GCFC2: variants seen among roughly 807,000 people sequenced by gnomAD.
The protein encoded by GCFC2 is GC-rich sequence DNA-binding factor 2, also known as intron Large complex component GCFC2.
Under a neutral mutation model 99.4 loss-of-function variants are expected in GCFC2, and 102 were observed. That is an observed-to-expected ratio of 1.03 (90% confidence interval 0.87 to 1.21). The LOEUF (loss-of-function observed/expected upper bound fraction) is 1.21, where lower values mean the gene tolerates loss of function less well. GCFC2 is among the 50% of genes most tolerant of loss of function. GCFC2 has a pLI of 0.00. For synonymous variants in GCFC2, 338 were observed against 316.8 expected (o/e 1.07, Z -0.71); for missense variants, 973 against 920.9 (o/e 1.06, Z -0.73).
At chr2:75,702,068 C>A in intron 3 of GCFC2, 131 bp downstream of exon 3, 1 of 1,454,450 alleles carries the variant, frequency 6.9e-7, no homozygotes, top group Non-Finnish European at 9.0e-7. Flanking sequence ...ATATCATGGA[C>A]CAAATCGATG....
Position 75,706,653 on chromosome 2 carries a change from T to A in GCFC2, c.266-2A>T. On this transcript the variant is annotated splice_acceptor_variant, in intron 1 of 16. Coordinates refer to ENST00000321027, the MANE Select transcript of GCFC2 (RefSeq NM_003203.5). LOFTEE classifies it high-confidence loss of function. Reference sequence around the variant, plus strand: ...TGGACACATCAAGGGTTCTGGATTCTAACAGGACATTTTAAAAATACAACA... The same window carrying A: ...TGGACACATCAAGGGTTCTGGATTCAAACAGGACATTTTAAAAATACAACA... 1 of 1,551,866 alleles carries A rather than the reference T, an allele frequency of 6.4e-7. No individual in the cohort carries two copies. The highest frequency in any genetic ancestry group is 1.4e-5 in the African/African-American group (1 of 72,722).
chr2:75,684,000 A>C (rs999498727), intron 11 of GCFC2, among the ~76,000 whole-genome samples: 5 of 152,156 alleles, frequency 3.3e-5, no homozygotes, highest in African/African-American at 1.2e-4. Flanking sequence ...AGACCTACAA[A>C]GAGACTTAGA....
intron 9 of GCFC2, 38 bp from the exon 10 acceptor site, chr2:75,689,263 G>C: frequency 8.5e-7 from 1 of 1,179,730 alleles, no homozygotes; most frequent in Non-Finnish European, 1.2e-6. Flanking sequence ...ATTTTAAGTT[G>C]TGAACTTTAA....
At chr2:75,696,089 C>T (rs1680310118) in intron 5 of GCFC2, 111 bp downstream of exon 5, 1 of 506,542 alleles carries the variant, frequency 2.0e-6, no homozygotes, top group Non-Finnish European at 3.6e-6. Flanking sequence ...CCTTTTTCCC[C>T]CCCATAAGTC....
At position 75,664,545 on chromosome 2, in the gene GCFC2, T is replaced by C. The variant is rs528335474; in HGVS notation, c.*121A>G. On this transcript the variant is annotated 3_prime_UTR_variant, in exon 17 of 17. Transcript: ENST00000321027. ...GGGGAATACAGAGGTGGAGTCCTGCTTTTTTTCAAATCCTACCTTCTATTA... is the reference window on the plus strand; with the variant it reads ...GGGGAATACAGAGGTGGAGTCCTGCCTTTTTTCAAATCCTACCTTCTATTA... 3.6e-6 allele frequency: 2 copies of C among 559,962 alleles called. No homozygotes were observed. Among genetic ancestry groups the C allele is most frequent in the South Asian group, 2.4e-5 (1 of 42,322 alleles). 34.7% of individuals were successfully genotyped at this position (559,962 alleles called of 1,614,324 possible).
rs73936786 is a variant in GCFC2, at chr2:75,685,237, C to T, written c.1690+2590G>A. On this transcript the variant is annotated intron_variant, in intron 11 of 16. Coordinates refer to ENST00000321027, the MANE Select transcript of GCFC2 (RefSeq NM_003203.5). Reference sequence around the variant, plus strand: ...AACAAACAAAAAATCCCCCTTAGCCCTACTTCCTCCTCTAGTATTGTTCCA... The same window carrying T: ...AACAAACAAAAAATCCCCCTTAGCCTTACTTCCTCCTCTAGTATTGTTCCA... Among the ~76,000 whole-genome samples the T allele has an allele frequency of 6.9e-3, 1,056 of 152,260 alleles. 8 individuals are homozygous for T. The highest frequency in any genetic ancestry group is 0.024 in the African/African-American group (1,010 of 41,536).
At chr2:75,698,942 G>A (rs761266010) in intron 4 of GCFC2, among the ~76,000 whole-genome samples, 4 of 151,542 alleles carry the variant, frequency 2.6e-5, no homozygotes, top group South Asian at 2.1e-4. Flanking sequence ...AACCTGGGAA[G>A]TGGAGGTTGC....
chr2:75,670,396 G>T, intron 14 of GCFC2, 112 bp from the exon 15 acceptor site: 1 of 645,818 alleles, frequency 1.5e-6, no homozygotes, highest in Middle Eastern at 4.1e-4. Context: ...AATTAGCCCT[G>T]TTGGAACTGT....
chr2:75,672,048 A>G (rs780841742), intron 13 of GCFC2, 32 bp from the exon 14 acceptor site: 2 of 1,249,436 alleles, frequency 1.6e-6, no homozygotes, highest in Admixed American at 3.4e-5. Flanking sequence ...AGAAGAGAAA[A>G]TGCAAAGAAC....
chr2:75,699,807 G>T (rs114696897), intron 4 of GCFC2, among the ~76,000 whole-genome samples: 1 of 151,976 alleles, frequency 6.6e-6, no homozygotes, highest in South Asian at 2.1e-4. Context: ...AAACTACTGG[G>T]CTGAAGTGAT....
chr2:75,693,109 T>C (rs762332304), intron 6 of GCFC2, among the ~76,000 whole-genome samples: 1 of 152,108 alleles, frequency 6.6e-6, no homozygotes, highest in Non-Finnish European at 1.5e-5. Context: ...AAAACAACAA[T>C]TGGGACAAAG....
At chr2:75,697,153 T>C (rs1680364378) in intron 4 of GCFC2, among the ~76,000 whole-genome samples, 1 of 152,212 alleles carries the variant, frequency 6.6e-6, no homozygotes, top group African/African-American at 2.4e-5. Context: ...TCTTATAACA[T>C]GGTATGTTTC....
intron 14 of GCFC2, among the ~76,000 whole-genome samples, chr2:75,671,125 C>CT (rs1679073961): frequency 6.6e-6 from 1 of 152,178 alleles, no homozygotes; most frequent in African/African-American, 2.4e-5. Context: ...TCTTGAAAAT[C>CT]TTTCATTTAG....
At chr2:75,696,880 G>A (rs907015179) in intron 4 of GCFC2, among the ~76,000 whole-genome samples, 15 of 151,998 alleles carry the variant, frequency 9.9e-5, no homozygotes, top group African/African-American at 2.4e-4. Flanking sequence ...CCGCCTCCTG[G>A]GTTCACGCCA....
intron 4 of GCFC2, among the ~76,000 whole-genome samples, chr2:75,700,507 T>C (rs1339562589): frequency 2.0e-5 from 3 of 152,132 alleles, no homozygotes; most frequent in Non-Finnish European, 4.4e-5. Flanking sequence ...CTCTGTTGTA[T>C]TGTGAAGTGA....
At chr2:75,669,813 C>G (rs1679008042) in intron 15 of GCFC2, among the ~76,000 whole-genome samples, 2 of 152,084 alleles carry the variant, frequency 1.3e-5, no homozygotes, top group African/African-American at 4.8e-5. Flanking sequence ...CAACGTCTGC[C>G]TCCTGGGTTC....
At chr2:75,696,537 A>T (rs971523504) in intron 4 of GCFC2, among the ~76,000 whole-genome samples, 1 of 152,182 alleles carries the variant, frequency 6.6e-6, no homozygotes, top group Admixed American at 6.5e-5. Context: ...TTACATTTTT[A>T]AAAAAGTTTA....
At chr2:75,698,439 GA>G (rs1680428445) in intron 4 of GCFC2, among the ~76,000 whole-genome samples, 1 of 152,062 alleles carries the variant, frequency 6.6e-6, no homozygotes. Flanking sequence ...CCAAAATGAA[GA>G]ATGGTTAAGA....
chr2:75,688,461 T>C (rs775484590), intron 10 of GCFC2, among the ~76,000 whole-genome samples: 1 of 152,192 alleles, frequency 6.6e-6, no homozygotes, highest in African/African-American at 2.4e-5. Context: ...AGTTCATACT[T>C]CTTTTTTTTT....
Sources: gnomAD v4.1 joint callset for allele counts (sites outside exome capture counted in the v4.1 genomes callset) on GRCh38, gnomAD v4.1.1 for gene constraint, MANE v1.5 for transcripts, NCBI Gene and HGNC (gene_info 2026-07-23, HGNC 2026-07-21) for gene names.